Variants in COPE observed in about 807,000 individuals in gnomAD.
COPE encodes the protein coatomer subunit epsilon.
In COPE, 19 loss-of-function variants were observed where a neutral mutation model predicts 42.1. The ratio of observed to expected loss-of-function variants is 0.45; its 90% CI spans 0.31 to 0.66. The LOEUF is 0.66. COPE is among the 30% of genes least tolerant of loss of function. COPE has a pLI of 0.05. For missense variants in COPE, 402 were observed against 416.1 expected, an observed-to-expected ratio of 0.97 and a Z score of 0.30; for synonymous variants, 195 against 181.3, an observed-to-expected ratio of 1.08 and a Z score of -0.60.
intron 1 of COPE, among the ~76,000 whole-genome samples, chr19:18,916,500 A>G (rs2056855048): frequency 6.6e-6 from 1 of 152,004 alleles, no homozygotes; most frequent in South Asian, 2.1e-4. Context: ...CTAAAAATAC[A>G]AAAATTAGGC....
rs138103521 is a variant in COPE, at chr19:18,903,358, G to A, written c.645C>T (p.Thr215=). ...CCGCCTGCCCATTGAGCAGCAGCAGGGTGGGCGAGCACTTGTCAGCCATCT... is the reference window on the plus strand; with the variant it reads ...CCGCCTGCCCATTGAGCAGCAGCAGAGTGGGCGAGCACTTGTCAGCCATCT... ...FQEMADKCSP[T]LLLLNGQAAC... is the part of the protein sequence containing the mutation. The change falls in exon 7 of 10, where the codon ACC becomes ACT. Residue 215 remains threonine, a synonymous_variant. Coordinates refer to ENST00000262812, the MANE Select transcript of COPE (RefSeq NM_007263.4). The A allele has an allele frequency of 1.6e-5, 25 of 1,612,734 alleles. No individual in the cohort carries two copies. The highest frequency in any genetic ancestry group is 2.0e-5 in the Non-Finnish European group (24 of 1,179,582).
chr19:18,903,130 G>C, intron 7 of COPE, 138 bp downstream of exon 7: 1 of 842,404 alleles, frequency 1.2e-6, no homozygotes, highest in Non-Finnish European at 1.7e-6. Context: ...TCTCGCTGCT[G>C]ACTGGGCCTT....
chr19:18,917,149 T>G (rs1283961228), intron 1 of COPE, among the ~76,000 whole-genome samples: 2 of 150,636 alleles, frequency 1.3e-5, no homozygotes, highest in Non-Finnish European at 3.0e-5. Flanking sequence ...ATCATCTCTG[T>G]GTCTCAAATC....
intron 5 of COPE, among the ~76,000 whole-genome samples, chr19:18,905,127 C>T (rs924060417): frequency 5.3e-5 from 8 of 152,172 alleles, no homozygotes; most frequent in African/African-American, 1.4e-4. Flanking sequence ...GAGGATGGAA[C>T]GCAGGGAAGG....
chr19:18,900,025 T>A, intron 8 of COPE, 78 bp from the exon 9 acceptor site: 1 of 1,316,844 alleles, frequency 7.6e-7, no homozygotes, highest in East Asian at 2.4e-5. Context: ...CAGGGGTGGA[T>A]TGGGGTGAGA....
rs748778758 is a variant in COPE at position 18,899,956 on chromosome 19, G to A, written c.805-9C>T. The stretch of plus-strand genomic sequence containing the variant: ...AGGTATCGGTTTGTCACCTGCAGGG[G>A]AGGCAGGGAGGCAGGTGAGCCGAAC... On this transcript the variant is annotated splice_polypyrimidine_tract_variant and intron_variant, in intron 8 of 9. Transcript: ENST00000262812. 6 of 1,609,950 alleles carry A rather than the reference G, an allele frequency of 3.7e-6. No individual in the cohort carries two copies. The highest frequency in any genetic ancestry group is 1.7e-4 in the Middle Eastern group (1 of 6,038).
intron 7 of COPE, among the ~76,000 whole-genome samples, chr19:18,902,772 A>AGGAAGGAAAGGAAGGAAAGGAAGGAAAG (rs1568314845): frequency 1.3e-4 from 4 of 31,936 alleles, no homozygotes; most frequent in East Asian, 7.9e-4. Flanking sequence ...AGGAAGGGAA[A>AGGAAGGAAAGGAAGGAAAGGAAGGAAAG]GAAGGAAGGA....
chr19:18,902,571 A>C (rs2056710240), intron 7 of COPE, among the ~76,000 whole-genome samples: 1 of 148,906 alleles, frequency 6.7e-6, no homozygotes, highest in African/African-American at 2.5e-5. Flanking sequence ...AGGCTGAGGC[A>C]AAAGAATCAC....
In COPE at chr19:18,899,733, C is replaced by G; in HGVS notation, c.880-7G>C. 1.2e-6 allele frequency: 2 copies of G among 1,613,768 alleles called. No individual in the cohort carries two copies. Among genetic ancestry groups the G allele is most frequent in the Non-Finnish European group, 1.7e-6 (2 of 1,179,964 alleles). On this transcript the variant is annotated splice_polypyrimidine_tract_variant and splice_region_variant and intron_variant, in intron 9 of 9. Coordinates refer to ENST00000262812, the MANE Select transcript of COPE (RefSeq NM_007263.4). ...GCCTGTCAAAGTCGTTCTCCTTTAGCAAGACACATGGCAACACAGGGTGGG... is the reference window on the plus strand; with the variant it reads ...GCCTGTCAAAGTCGTTCTCCTTTAGGAAGACACATGGCAACACAGGGTGGG...
chr19:18,902,677 A>G (rs1199058486), intron 7 of COPE, among the ~76,000 whole-genome samples: 4 of 133,950 alleles, frequency 3.0e-5, no homozygotes, highest in Admixed American at 8.0e-5. Flanking sequence ...AAAAAAAAAA[A>G]AAGAAGAAAG....
chr19:18,914,729 A>G (rs2056839213), intron 1 of COPE, among the ~76,000 whole-genome samples: 1 of 149,934 alleles, frequency 6.7e-6, no homozygotes, highest in Non-Finnish European at 1.5e-5. Context: ...TGAGACCAGC[A>G]TAGGCAACAT....
chr19:18,912,867 G>T, intron 2 of COPE, 117 bp downstream of exon 2: 1 of 955,816 alleles, frequency 1.0e-6, no homozygotes, highest in Non-Finnish European at 1.6e-6. Context: ...AACACTGCAG[G>T]CCTGGGTCCC....
chr19:18,916,118 G>C (rs1012168154), intron 1 of COPE, among the ~76,000 whole-genome samples: 7 of 152,210 alleles, frequency 4.6e-5, no homozygotes, highest in Non-Finnish European at 7.3e-5. Flanking sequence ...CCAGGAGGCA[G>C]AGGTTGTGGT....
chr19:18,905,734 T>C, intron 4 of COPE, 105 bp from the exon 5 acceptor site: 1 of 1,190,728 alleles, frequency 8.4e-7, no homozygotes, highest in Non-Finnish European at 1.2e-6. Flanking sequence ...TCCTAAGTCC[T>C]GTGCTTAGGA....
At chr19:18,911,435 G>A (rs1385758198) in intron 2 of COPE, 10 of 244,430 alleles carry the variant, frequency 4.1e-5, no homozygotes, top group Non-Finnish European at 7.5e-5. Flanking sequence ...AGCAGGACAT[G>A]CCCCCAGCCA....
chr19:18,915,425 C>T (rs865947309), intron 1 of COPE, among the ~76,000 whole-genome samples: 5 of 152,170 alleles, frequency 3.3e-5, no homozygotes, highest in Non-Finnish European at 7.4e-5. Context: ...ATGTGCAGAC[C>T]GTGACCCTGA....
chr19:18,911,187 C>CCCAGCGT, intron 2 of COPE, 116 bp from the exon 3 acceptor site: 2 of 886,260 alleles, frequency 2.3e-6, no homozygotes, highest in South Asian at 2.8e-5. Context: ...GACCCCTCAG[C>CCCAGCGT]CCAGCATGGG....
intron 1 of COPE, among the ~76,000 whole-genome samples, chr19:18,918,788 A>G (rs561157084): frequency 6.6e-6 from 1 of 152,326 alleles, no homozygotes; most frequent in African/African-American, 2.4e-5. Context: ...AAAGTGCTCA[A>G]TGAAGAATGA....
chr19:18,902,051 G>A (rs1019898167), intron 7 of COPE, among the ~76,000 whole-genome samples: 4 of 151,668 alleles, frequency 2.6e-5, no homozygotes. Flanking sequence ...ATGGTGGTGG[G>A]CGCCTGTAGT....
Sources: allele counts gnomAD v4.1 joint callset (sites outside exome capture counted in the v4.1 genomes callset), GRCh38; gene constraint gnomAD v4.1.1; transcripts MANE v1.5; gene names NCBI Gene and HGNC (gene_info 2026-07-23, HGNC 2026-07-21).